Variants in KIAA1217 observed in about 807,000 individuals in gnomAD.
KIAA1217 encodes the protein sickle tail protein homolog.
A neutral mutation model predicts 163.9 loss-of-function variants in KIAA1217; 88 were observed. That is an observed-to-expected ratio of 0.54 (90% CI 0.45 to 0.64). KIAA1217 has a LOEUF of 0.64. Among genes scored for constraint, KIAA1217 ranks in the 30% least tolerant of loss-of-function variants. The pLI, the probability that KIAA1217 is intolerant of heterozygous loss-of-function variation, is 0.00. For missense variants in KIAA1217, 2,372 were observed against 2,475.0 expected, an observed-to-expected ratio of 0.96 and a Z score of 0.88; for synonymous variants, 903 against 923.1, an observed-to-expected ratio of 0.98 and a Z score of 0.39.
intron 4 of KIAA1217, among the ~76,000 whole-genome samples, chr10:24,436,521 G>A (rs1363143068): frequency 2.0e-5 from 3 of 151,004 alleles, no homozygotes; most frequent in African/African-American, 4.9e-5. Flanking sequence ...CACTTTGGGA[G>A]GCCAAGGTGG....
At chr10:24,348,491 A>G (rs911312983) in intron 2 of KIAA1217, among the ~76,000 whole-genome samples, 1 of 152,230 alleles carries the variant, frequency 6.6e-6, no homozygotes. Flanking sequence ...AAATGAAAAT[A>G]AATCCTAATA....
chr10:24,436,463 A>AC (rs1421417050), intron 4 of KIAA1217, among the ~76,000 whole-genome samples: 6 of 126,454 alleles, frequency 4.7e-5, no homozygotes, highest in African/African-American at 2.3e-4. Context: ...ATTATATAAG[A>AC]CAAAAAAAAA....
chr10:24,210,262 G>A (rs1047762511), intron 1 of KIAA1217, among the ~76,000 whole-genome samples: 5 of 152,120 alleles, frequency 3.3e-5, no homozygotes, highest in Non-Finnish European at 7.4e-5. Flanking sequence ...AGCCAGTCAG[G>A]AGAACTTACA....
At chr10:24,420,179 G>A (rs1309288222) in intron 3 of KIAA1217, among the ~76,000 whole-genome samples, 1 of 152,144 alleles carries the variant, frequency 6.6e-6, no homozygotes, top group African/African-American at 2.4e-5. Flanking sequence ...TAAATAACAG[G>A]CTGTATTTTC....
intron 2 of KIAA1217, among the ~76,000 whole-genome samples, chr10:24,154,062 A>T (rs1388504273): frequency 6.9e-6 from 1 of 145,750 alleles, no homozygotes. Context: ...GGTTCACGCC[A>T]TTCTTCTGCC....
intron 1 of KIAA1217, among the ~76,000 whole-genome samples, chr10:23,773,926 C>T (rs900346804): frequency 6.6e-6 from 1 of 152,118 alleles, no homozygotes; most frequent in Non-Finnish European, 1.5e-5. Flanking sequence ...TTGACTTCCT[C>T]TTTTCCTAAT....
intron 2 of KIAA1217, among the ~76,000 whole-genome samples, chr10:24,310,970 C>G (rs1047709870): frequency 7.2e-5 from 11 of 152,122 alleles, no homozygotes; most frequent in Non-Finnish European, 1.6e-4. Flanking sequence ...TGCACTCCAA[C>G]CTGGGCAAGA....
At chr10:24,419,185 A>G (rs1334826267) in intron 3 of KIAA1217, among the ~76,000 whole-genome samples, 1 of 151,682 alleles carries the variant, frequency 6.6e-6, no homozygotes, top group African/African-American at 2.4e-5. Flanking sequence ...AAAAAAAAAA[A>G]AAAAAGAAAG....
intron 2 of KIAA1217, among the ~76,000 whole-genome samples, chr10:24,307,614 A>C (rs983148580): frequency 1.3e-5 from 1 of 79,176 alleles, no homozygotes; most frequent in Non-Finnish European, 2.1e-5. Context: ...CATCTCTCCA[A>C]AAAAAAAAAA....
chr10:24,119,857 A>G (rs1205453394), intron 2 of KIAA1217, among the ~76,000 whole-genome samples: 2 of 152,334 alleles, frequency 1.3e-5, no homozygotes, highest in South Asian at 2.1e-4. Context: ...GAACATTAAA[A>G]TGATCTGTGC....
chr10:24,501,375 A>G lies in KIAA1217; in HGVS notation c.1835-4A>G, dbSNP rs745909436. 3.1e-6 allele frequency: 5 copies of G among 1,601,900 alleles called. No individual in the cohort carries two copies. In the South Asian group the frequency reaches 3.3e-5, roughly 11 times the overall value. On this transcript the variant is annotated splice_polypyrimidine_tract_variant and splice_region_variant and intron_variant, in intron 8 of 20. Coordinates refer to ENST00000376454, the MANE Select transcript of KIAA1217 (RefSeq NM_019590.5). ...CTGAGTTCTCTGATGCACTTTTCTCATAGGAACGCCCCATGTGTCTGGTGG... is the reference window on the plus strand; with the variant it reads ...CTGAGTTCTCTGATGCACTTTTCTCGTAGGAACGCCCCATGTGTCTGGTGG...
intron 1 of KIAA1217, among the ~76,000 whole-genome samples, chr10:23,804,728 A>G (rs1054553777): frequency 2.0e-5 from 3 of 152,190 alleles, no homozygotes; most frequent in African/African-American, 7.2e-5. Flanking sequence ...TATTTATGGC[A>G]TATGTCAATG....
chr10:24,375,217 G>A (rs554008686), intron 2 of KIAA1217, among the ~76,000 whole-genome samples: 1 of 152,330 alleles, frequency 6.6e-6, no homozygotes, highest in South Asian at 2.1e-4. Flanking sequence ...ATGTAAGGAT[G>A]GGAGATAAGA....
At chr10:23,893,293 T>A (rs949332004) in intron 1 of KIAA1217, among the ~76,000 whole-genome samples, 2 of 152,128 alleles carry the variant, frequency 1.3e-5, no homozygotes, top group African/African-American at 4.8e-5. Flanking sequence ...GTGTTTGTAG[T>A]ATTCTCTGCT....
At chr10:23,886,745 T>A (rs1220007687) in intron 1 of KIAA1217, among the ~76,000 whole-genome samples, 2 of 151,994 alleles carry the variant, frequency 1.3e-5, no homozygotes, top group Non-Finnish European at 2.9e-5. Context: ...TTATGGCTTT[T>A]TTATATTTTA....
At chr10:23,696,289 G>C (rs985154351) in intron 1 of KIAA1217, among the ~76,000 whole-genome samples, 2 of 152,232 alleles carry the variant, frequency 1.3e-5, no homozygotes, top group African/African-American at 2.4e-5. Flanking sequence ...CGCCTACCCT[G>C]CTCTCACCTG....
intron 1 of KIAA1217, among the ~76,000 whole-genome samples, chr10:23,796,363 A>ATTTATTTC (rs1836204044): frequency 6.6e-6 from 1 of 151,278 alleles, no homozygotes; most frequent in Non-Finnish European, 1.5e-5. Flanking sequence ...TTATTTATTT[A>ATTTATTTC]TTTATTTATT....
intron 2 of KIAA1217, among the ~76,000 whole-genome samples, chr10:24,033,930 G>C (rs1487750743): frequency 6.6e-6 from 1 of 152,114 alleles, no homozygotes; most frequent in South Asian, 2.1e-4. Flanking sequence ...TTACTGTTTG[G>C]CTCCTTACAG....
chr10:24,005,311 A>G lies in KIAA1217; in HGVS notation c.-320-1914A>G, dbSNP rs138375984. ...TTATTGTCTATATTATTTTATATAC[A>G]TTTTTCAATTACCTCCCCTAATTAG... On this transcript the variant is annotated intron_variant, in intron 1 of 18. Coordinates refer to the KIAA1217 transcript ENST00000376462. Among the ~76,000 whole-genome samples, 1,283 of 152,262 alleles carry G rather than the reference A, an allele frequency of 8.4e-3. 25 individuals carry two copies. The highest frequency in any genetic ancestry group is 0.03 in the African/African-American group (1,232 of 41,556).
Sources: allele counts gnomAD v4.1 joint callset (sites outside exome capture counted in the v4.1 genomes callset), GRCh38; gene constraint gnomAD v4.1.1; transcripts MANE v1.5; gene names NCBI Gene and HGNC (gene_info 2026-07-23, HGNC 2026-07-21).